The following UHRF2 variants were observed in gnomAD, a reference collection of about 807,000 sequenced individuals.
UHRF2 encodes ubiquitin like with PHD and ring finger domains 2.
UHRF2 carries 23 observed loss-of-function variants against 96.8 expected under a neutral mutation model. That is an observed-to-expected ratio of 0.24 (90% CI 0.17 to 0.34). The LOEUF is 0.34. Ranked by LOEUF, UHRF2 falls within the 10% of genes least tolerant of loss-of-function variation. The pLI, the probability that UHRF2 is intolerant of heterozygous loss-of-function variation, is 1.00. For synonymous variants in UHRF2, 385 were observed against 332.6 expected (o/e 1.16, Z -1.72); for missense variants, 685 against 981.5 (o/e 0.70, Z 4.04).
At chr9:6,505,405 C>A (rs1587893593) in intron 15 of UHRF2, among the ~76,000 whole-genome samples, 1 of 152,098 alleles carries the variant, frequency 6.6e-6, no homozygotes, top group Non-Finnish European at 1.5e-5. Context: ...AAGCAAGTCT[C>A]CTGTCTCAGC....
intron 3 of UHRF2, among the ~76,000 whole-genome samples, chr9:6,451,679 G>C (rs938037130): frequency 5.9e-5 from 9 of 151,894 alleles, no homozygotes; most frequent in African/African-American, 1.5e-4. Context: ...CACCATGTTA[G>C]CCAGCATGGT....
chr9:6,497,444 GC>G (rs1825031882), intron 11 of UHRF2, 84 bp downstream of exon 11: 1 of 1,480,574 alleles, frequency 6.8e-7, no homozygotes, highest in Admixed American at 2.0e-5. Flanking sequence ...CTGTGGGTGG[GC>G]TCGAGGAAAC....
chr9:6,420,702 G>A (rs752212468), intron 1 of UHRF2, among the ~76,000 whole-genome samples: 6 of 145,522 alleles, frequency 4.1e-5, no homozygotes, highest in Admixed American at 6.9e-5. Flanking sequence ...GTGAGACACC[G>A]TCTCAAAAAA....
intron 9 of UHRF2, among the ~76,000 whole-genome samples, chr9:6,488,490 C>G (rs987567991): frequency 1.0e-4 from 15 of 150,424 alleles, no homozygotes; most frequent in Admixed American, 2.0e-4. Context: ...CGTAGCCCCC[C>G]CACTGCTTCT....
chr9:6,496,561 G>C (rs1178105576), intron 10 of UHRF2: 1 of 152,168 alleles, frequency 6.6e-6, no homozygotes, highest in Non-Finnish European at 1.5e-5. Context: ...AAAATGTAGT[G>C]ATCTCAAGCA....
intron 9 of UHRF2, among the ~76,000 whole-genome samples, chr9:6,487,509 A>G (rs1241175468): frequency 6.6e-6 from 1 of 152,102 alleles, no homozygotes; most frequent in Non-Finnish European, 1.5e-5. Flanking sequence ...TGGGATTACA[A>G]GTATGCACCA....
At chr9:6,418,296 T>C (rs1819731195) in intron 1 of UHRF2, among the ~76,000 whole-genome samples, 1 of 151,514 alleles carries the variant, frequency 6.6e-6, no homozygotes, top group South Asian at 2.1e-4. Flanking sequence ...GGAAGCAATA[T>C]TCCCATCCCT....
intron 6 of UHRF2, among the ~76,000 whole-genome samples, chr9:6,479,400 C>G (rs568243989): frequency 6.6e-6 from 1 of 152,202 alleles, no homozygotes; most frequent in South Asian, 2.1e-4. Flanking sequence ...ACTTCACTGG[C>G]CTTTCCTTCT....
chr9:6,505,928 A>G, intron 15 of UHRF2, 105 bp from the exon 16 acceptor site: 1 of 1,176,248 alleles, frequency 8.5e-7, no homozygotes. Context: ...CATTCTGTAC[A>G]TTTCTCTCAT....
intron 8 of UHRF2, among the ~76,000 whole-genome samples, chr9:6,482,778 A>G (rs1194827963): frequency 6.6e-6 from 1 of 152,016 alleles, no homozygotes; most frequent in East Asian, 1.9e-4. Flanking sequence ...TTGTATTTGT[A>G]GTAGAGACGA....
At chr9:6,457,738 C>T (rs1431058174) in intron 3 of UHRF2, among the ~76,000 whole-genome samples, 1 of 152,154 alleles carries the variant, frequency 6.6e-6, no homozygotes, top group Non-Finnish European at 1.5e-5. Context: ...TTGTAGAAGG[C>T]CTTTTCTGCG....
intron 11 of UHRF2, 134 bp from the exon 12 acceptor site, chr9:6,497,884 C>G: frequency 3.6e-6 from 4 of 1,105,476 alleles, no homozygotes; most frequent in East Asian, 2.5e-5. Flanking sequence ...ATATTCTTGA[C>G]TTACTGTCCT....
intron 4 of UHRF2, among the ~76,000 whole-genome samples, chr9:6,461,422 G>T (rs968342677): frequency 1.5e-5 from 2 of 134,772 alleles, no homozygotes; most frequent in Non-Finnish European, 3.0e-5. Context: ...ACCCAGGCTG[G>T]AGTGCAGCGG....
At chr9:6,504,097 C>G (rs1169043200) in intron 14 of UHRF2, among the ~76,000 whole-genome samples, 1 of 144,266 alleles carries the variant, frequency 6.9e-6, no homozygotes, top group Non-Finnish European at 1.5e-5. Context: ...GTGATCTCAG[C>G]TCACTGCAAG....
intron 2 of UHRF2, among the ~76,000 whole-genome samples, chr9:6,427,016 G>C (rs946444733): frequency 1.8e-4 from 25 of 142,806 alleles, no homozygotes; most frequent in African/African-American, 6.2e-4. Flanking sequence ...CCAAAGTGCT[G>C]GGATTATAGG....
chr9:6,453,445 G>A (rs990756737), intron 3 of UHRF2, among the ~76,000 whole-genome samples: 91 of 152,132 alleles, frequency 6.0e-4, no homozygotes, highest in Non-Finnish European at 1.2e-3. Flanking sequence ...AAATAGAACA[G>A]GTTTCTGTCT....
At chr9:6,446,694 A>T (rs1821529104) in intron 3 of UHRF2, among the ~76,000 whole-genome samples, 1 of 151,546 alleles carries the variant, frequency 6.6e-6, no homozygotes, top group Non-Finnish European at 1.5e-5. Context: ...TCTATAGGAA[A>T]ATTTGCTTGG....
At chr9:6,478,836 C>T (rs1045785719) in intron 6 of UHRF2, among the ~76,000 whole-genome samples, 5 of 152,190 alleles carry the variant, frequency 3.3e-5, no homozygotes, top group African/African-American at 1.2e-4. Flanking sequence ...GATATATCTT[C>T]TTCCTTTTAC....
intron 3 of UHRF2, among the ~76,000 whole-genome samples, chr9:6,451,578 C>T (rs1185170205): frequency 6.7e-6 from 1 of 149,720 alleles, no homozygotes; most frequent in Non-Finnish European, 1.5e-5. Flanking sequence ...CCGGGGTTCA[C>T]ACCATTCTCC....
Sources: allele counts gnomAD v4.1 joint callset (sites outside exome capture counted in the v4.1 genomes callset), GRCh38; gene constraint gnomAD v4.1.1; transcripts MANE v1.5; gene names NCBI Gene and HGNC (gene_info 2026-07-23, HGNC 2026-07-21).